Variants in FGGY observed in about 807,000 individuals in gnomAD.
FGGY encodes FGGY carbohydrate kinase domain containing.
In FGGY, 72 loss-of-function variants were observed where a neutral mutation model predicts 71.3. The ratio of observed to expected loss-of-function variants is 1.01; its 90% CI spans 0.84 to 1.23. The LOEUF (loss-of-function observed/expected upper bound fraction) is 1.23. Among genes scored for constraint, FGGY ranks in the 50% most tolerant of loss-of-function variants. The probability of loss-of-function intolerance (pLI) is 0.00; values close to 1 mark genes in which losing one functional copy is unlikely to be tolerated. For missense variants in FGGY, 668 were observed against 682.3 expected (o/e 0.98, Z 0.23); for synonymous variants, 251 against 250.3 (o/e 1.00, Z -0.02).
intron 5 of FGGY, among the ~76,000 whole-genome samples, chr1:59,434,341 G>A (rs1405509256): frequency 1.3e-5 from 2 of 152,216 alleles, no homozygotes; most frequent in Non-Finnish European, 2.9e-5. Flanking sequence ...GCTGGAGGGA[G>A]GTAAGTGAAT....
At chr1:59,383,479 G>A (rs2153355508) in intron 5 of FGGY, among the ~76,000 whole-genome samples, 2 of 152,230 alleles carry the variant, frequency 1.3e-5, no homozygotes, top group Non-Finnish European at 2.9e-5. Context: ...TTGGCCAAAG[G>A]CATTCCAAAT....
At chr1:59,573,481 T>G (rs561670174) in intron 8 of FGGY, among the ~76,000 whole-genome samples, 10 of 152,126 alleles carry the variant, frequency 6.6e-5, no homozygotes, top group African/African-American at 9.6e-5. Flanking sequence ...TATACACACA[T>G]GTATGTTCAT....
At position 59,345,550 on chromosome 1, in the gene FGGY, G is replaced by T. The variant is rs2051676216; in HGVS notation, c.314-697G>T. On this transcript the variant is annotated intron_variant, in intron 3 of 15. Transcript: ENST00000303721. ...CTCCTGAGGGCCTACTTTCTGAGAA[G>T]TACTTGCCATATCCTTTATGTGCAT... Among the ~76,000 whole-genome samples, 3 of 152,130 alleles carry T rather than the reference G, an allele frequency of 2.0e-5. No individual in the cohort carries two copies. In the South Asian group the frequency reaches 6.2e-4, roughly 32 times the overall value.
chr1:59,446,813 C>T (rs2071377927), intron 5 of FGGY, among the ~76,000 whole-genome samples: 1 of 152,168 alleles, frequency 6.6e-6, no homozygotes, highest in South Asian at 2.1e-4. Flanking sequence ...AAGCAGAGAA[C>T]AAAAGGTTTC....
At chr1:59,497,943 CATA>C (rs1486579434) in intron 6 of FGGY, among the ~76,000 whole-genome samples, 1 of 152,100 alleles carries the variant, frequency 6.6e-6, no homozygotes, top group African/African-American at 2.4e-5. Flanking sequence ...TGCCAGGCAG[CATA>C]ATTAGAGGAT....
At chr1:59,421,756 T>G (rs912751850) in intron 5 of FGGY, among the ~76,000 whole-genome samples, 1 of 152,196 alleles carries the variant, frequency 6.6e-6, no homozygotes, top group African/African-American at 2.4e-5. Flanking sequence ...TGTAGATGTT[T>G]AGGGCATGCC....
At chr1:59,758,047 C>A in intron 15 of FGGY, 55 bp downstream of exon 15, 1 of 1,193,198 alleles carries the variant, frequency 8.4e-7, no homozygotes, top group Non-Finnish European at 1.2e-6. Context: ...CATACACACA[C>A]ACATGCAACT....
chr1:59,633,001 CTT>C (rs58061913), intron 10 of FGGY, among the ~76,000 whole-genome samples: 2,342 of 135,688 alleles, frequency 0.017, 40 homozygotes, highest in African/African-American at 0.056. Context: ...TTATACATTT[CTT>C]TTTTTTTTTT....
chr1:59,734,484 G>T (rs574578483), intron 14 of FGGY, among the ~76,000 whole-genome samples: 20 of 152,310 alleles, frequency 1.3e-4, no homozygotes, highest in Non-Finnish European at 1.8e-4. Context: ...GATTACAGGC[G>T]TGAGTCAAGT....
intron 7 of FGGY, among the ~76,000 whole-genome samples, chr1:59,529,948 T>C (rs532510673): frequency 5.3e-5 from 8 of 152,252 alleles, no homozygotes; most frequent in Admixed American, 2.0e-4. Context: ...TTTACATAGC[T>C]ATTACTAAAT....
At chr1:59,336,466 A>G (rs2049525064) in intron 2 of FGGY, among the ~76,000 whole-genome samples, 1 of 138,562 alleles carries the variant, frequency 7.2e-6, no homozygotes, top group Non-Finnish European at 1.5e-5. Flanking sequence ...AAATAAATAA[A>G]TAAAACCTGC....
intron 8 of FGGY, among the ~76,000 whole-genome samples, chr1:59,600,910 CA>C (rs2096570887): frequency 6.6e-6 from 1 of 151,042 alleles, no homozygotes; most frequent in African/African-American, 2.4e-5. Flanking sequence ...CAGCTATTTA[CA>C]ATTCAATCTG....
chr1:59,635,668 TTGTGAA>T (rs1367941284), intron 10 of FGGY, among the ~76,000 whole-genome samples: 2 of 152,200 alleles, frequency 1.3e-5, no homozygotes, highest in African/African-American at 4.8e-5. Flanking sequence ...AAGGCTTTTC[TTGTGAA>T]TGTGATTCCT....
chr1:59,669,775 A>G (rs80217661), intron 13 of FGGY, among the ~76,000 whole-genome samples: 2,755 of 152,214 alleles, frequency 0.018, 73 homozygotes, highest in African/African-American at 0.063. Flanking sequence ...TGGAGAACAC[A>G]GTACTCTAGA....
intron 2 of FGGY, among the ~76,000 whole-genome samples, chr1:59,337,255 G>A (rs2049792445): frequency 1.3e-5 from 2 of 152,092 alleles, no homozygotes; most frequent in Admixed American, 6.6e-5. Context: ...CCCCAGGCAG[G>A]CTGCTAGTGC....
At chr1:59,435,196 T>A (rs1184881697) in intron 5 of FGGY, among the ~76,000 whole-genome samples, 1 of 152,182 alleles carries the variant, frequency 6.6e-6, no homozygotes, top group East Asian at 1.9e-4. Flanking sequence ...GGATATTATG[T>A]CCCCTGTTTT....
chr1:59,589,528 T>C (rs1408865364), intron 8 of FGGY, among the ~76,000 whole-genome samples: 1 of 152,116 alleles, frequency 6.6e-6, no homozygotes, highest in Non-Finnish European at 1.5e-5. Flanking sequence ...ATTGACCACA[T>C]AGTTGGAAGT....
chr1:59,635,262 A>G (rs555018038), intron 10 of FGGY, among the ~76,000 whole-genome samples: 121 of 152,344 alleles, frequency 7.9e-4, no homozygotes, highest in Non-Finnish European at 1.2e-3. Flanking sequence ...AAAAACATGT[A>G]GGAGAATGGC....
chr1:59,406,574 A>T (rs1441038922), intron 5 of FGGY, among the ~76,000 whole-genome samples: 2 of 152,332 alleles, frequency 1.3e-5, no homozygotes, highest in Non-Finnish European at 2.9e-5. Context: ...AATATATATT[A>T]AATGAGTTGT....
Sources: gnomAD v4.1 joint callset for allele counts (sites outside exome capture counted in the v4.1 genomes callset) on GRCh38, gnomAD v4.1.1 for gene constraint, MANE v1.5 for transcripts, NCBI Gene and HGNC (gene_info 2026-07-23, HGNC 2026-07-21) for gene names.